The following TMEM132C variants were observed in gnomAD, a reference collection of about 807,000 sequenced individuals.
TMEM132C encodes the protein transmembrane protein 132C.
TMEM132C carries 29 observed loss-of-function variants against 61.4 expected under a neutral mutation model. That is an observed-to-expected ratio of 0.47 (90% CI 0.35 to 0.64). The LOEUF (loss-of-function observed/expected upper bound fraction) is 0.64, where lower values mean the gene tolerates loss of function less well. Ranked by LOEUF, TMEM132C falls within the 30% of genes least tolerant of loss-of-function variation. The pLI is 0.00. For synonymous variants in TMEM132C, 656 were observed against 633.1 expected (o/e 1.04, Z -0.54); for missense variants, 1,408 against 1,476.9 (o/e 0.95, Z 0.76).
chr12:128,332,011 A>T (rs529300240), intron 1 of TMEM132C, among the ~76,000 whole-genome samples: 214 of 152,312 alleles, frequency 1.4e-3, no homozygotes, highest in African/African-American at 4.6e-3. Flanking sequence ...TTCAAGCTCA[A>T]GCCCTGATGA....
At chr12:128,267,571 G>A (rs1870350951) in intron 1 of TMEM132C, 84 bp downstream of exon 1, 7 of 1,108,226 alleles carry the variant, frequency 6.3e-6, no homozygotes, top group East Asian at 3.6e-5. Flanking sequence ...CAGCCGAAGC[G>A]AGGGGTGCGG....
At chr12:128,515,865 T>G (rs1312869380) in intron 2 of TMEM132C, among the ~76,000 whole-genome samples, 1 of 152,078 alleles carries the variant, frequency 6.6e-6, no homozygotes, top group Non-Finnish European at 1.5e-5. Context: ...TTGATAACAT[T>G]TTAAAGAAGA....
intron 1 of TMEM132C, among the ~76,000 whole-genome samples, chr12:128,282,205 CA>C (rs906201089): frequency 2.0e-5 from 3 of 152,344 alleles, no homozygotes; most frequent in South Asian, 2.1e-4. Flanking sequence ...CATTCTCTTA[CA>C]AAAGCACAAG....
chr12:128,587,088 A>T (rs1473910619), intron 3 of TMEM132C, among the ~76,000 whole-genome samples: 2 of 152,268 alleles, frequency 1.3e-5, no homozygotes, highest in Non-Finnish European at 2.9e-5. Flanking sequence ...AGCTCCATTC[A>T]GGGAATGCGT....
intron 4 of TMEM132C, among the ~76,000 whole-genome samples, chr12:128,639,752 G>C (rs1954143263): frequency 6.6e-6 from 1 of 152,122 alleles, no homozygotes; most frequent in South Asian, 2.1e-4. Flanking sequence ...TGGGATGTGG[G>C]ACTCCCAGTT....
At chr12:128,468,697 CAA>C (rs1870825907) in intron 2 of TMEM132C, among the ~76,000 whole-genome samples, 1 of 152,104 alleles carries the variant, frequency 6.6e-6, no homozygotes, top group Non-Finnish European at 1.5e-5. Context: ...GAGGCTTTGG[CAA>C]AGTCAGAATT....
At chr12:128,387,941 G>C (rs1409952295) in intron 1 of TMEM132C, among the ~76,000 whole-genome samples, 2 of 152,242 alleles carry the variant, frequency 1.3e-5, no homozygotes, top group Non-Finnish European at 2.9e-5. Flanking sequence ...CTCCTGGGCA[G>C]CCGTGCCCGG....
intron 3 of TMEM132C, among the ~76,000 whole-genome samples, chr12:128,561,609 CATT>C (rs1480373401): frequency 6.6e-6 from 1 of 152,144 alleles, no homozygotes; most frequent in Admixed American, 6.5e-5. Flanking sequence ...GTGTGGACGT[CATT>C]GTTGGTTAGA....
At chr12:128,304,884 T>C (rs577729759) in intron 1 of TMEM132C, among the ~76,000 whole-genome samples, 1 of 152,254 alleles carries the variant, frequency 6.6e-6, no homozygotes, top group East Asian at 1.9e-4. Flanking sequence ...AAAGAAAGAT[T>C]GGTTTGGATG....
chr12:128,533,859 A>G (rs1873415282), intron 2 of TMEM132C, among the ~76,000 whole-genome samples: 1 of 152,076 alleles, frequency 6.6e-6, no homozygotes, highest in Non-Finnish European at 1.5e-5. Flanking sequence ...ACAGCCTTAC[A>G]GGGCCCAGAG....
At chr12:128,633,175 C>T (rs955728695) in intron 4 of TMEM132C, among the ~76,000 whole-genome samples, 1 of 152,054 alleles carries the variant, frequency 6.6e-6, no homozygotes. Context: ...CCAAGCAGGC[C>T]GCATAGTGGC....
rs74680789 is a variant in TMEM132C at position 128,536,530 on chromosome 12, GA to G, written c.975-7418del. Among the ~76,000 whole-genome samples the G allele has an allele frequency of 5.6e-3, 514 of 91,780 alleles. 14 individuals are homozygous for G. In the East Asian group the frequency reaches 0.087, roughly 15 times the overall value. The allele number at this position is 91,780 out of a possible 152,430, so 60.2% of individuals were successfully genotyped here. A position where few individuals can be genotyped will look rare whatever the true frequency, so the allele number is the denominator to read the frequency against. On this transcript the variant is annotated intron_variant, in intron 2 of 8. Coordinates refer to ENST00000435159, the MANE Select transcript of TMEM132C (RefSeq NM_001136103.3). ...TGTACCCTAGAACTTAAAGTATAAT[GA>G]AAAAAAAAGAGAAGGTGGCTGTGTG...
intron 3 of TMEM132C, among the ~76,000 whole-genome samples, chr12:128,597,150 G>A (rs965733138): frequency 3.3e-5 from 5 of 152,116 alleles, no homozygotes; most frequent in South Asian, 2.1e-4. Context: ...TTATAGGAGC[G>A]TTGGTTAATG....
At chr12:128,391,325 A>G (rs1391001111) in intron 1 of TMEM132C, among the ~76,000 whole-genome samples, 1 of 152,312 alleles carries the variant, frequency 6.6e-6, no homozygotes, top group South Asian at 2.1e-4. Context: ...CATCCTTTGC[A>G]GGAGTTGAGG....
At chr12:128,516,891 G>A (rs1872736150) in intron 2 of TMEM132C, among the ~76,000 whole-genome samples, 1 of 151,814 alleles carries the variant, frequency 6.6e-6, no homozygotes, top group Admixed American at 6.6e-5. Context: ...TCCACCCTGG[G>A]CAACAGAGTG....
intron 2 of TMEM132C, among the ~76,000 whole-genome samples, chr12:128,512,683 C>G (rs1456894593): frequency 6.6e-6 from 1 of 152,170 alleles, no homozygotes; most frequent in South Asian, 2.1e-4. Context: ...TGCTGGATCA[C>G]AGGGAAAAAT....
intron 2 of TMEM132C, among the ~76,000 whole-genome samples, chr12:128,434,337 G>A (rs747566416): frequency 3.3e-5 from 5 of 152,180 alleles, no homozygotes; most frequent in Non-Finnish European, 7.4e-5. Context: ...TTTCTCTCTT[G>A]TCGCCCAGGC....
At chr12:128,498,380 A>T (rs184621824) in intron 2 of TMEM132C, among the ~76,000 whole-genome samples, 173 of 152,308 alleles carry the variant, frequency 1.1e-3, no homozygotes, top group Non-Finnish European at 2.0e-3. Context: ...CTATATAAAA[A>T]AAAACCTTAA....
At chr12:128,671,171 G>T (rs973354564) in intron 5 of TMEM132C, among the ~76,000 whole-genome samples, 5 of 152,062 alleles carry the variant, frequency 3.3e-5, no homozygotes, top group Non-Finnish European at 7.4e-5. Context: ...CTGCTTTGGG[G>T]GCTACCACAG....
Sources: gnomAD v4.1 joint callset for allele counts (sites outside exome capture counted in the v4.1 genomes callset) on GRCh38, gnomAD v4.1.1 for gene constraint, MANE v1.5 for transcripts, NCBI Gene and HGNC (gene_info 2026-07-23, HGNC 2026-07-21) for gene names.